SORCS2: variants seen among roughly 807,000 people sequenced by gnomAD.
The protein encoded by SORCS2 is sortilin related VPS10 domain containing receptor 2.
Under a neutral mutation model 141.6 loss-of-function variants are expected in SORCS2, and 100 were observed. The observed-to-expected ratio is 0.71, with a 90% confidence interval of 0.60 to 0.83. The LOEUF is 0.83. Ranked by LOEUF, SORCS2 falls within the 40% of genes least tolerant of loss-of-function variation. SORCS2 has a pLI of 0.00. For synonymous variants in SORCS2, 789 were observed against 676.9 expected (o/e 1.17, Z -2.57); for missense variants, 1,646 against 1,560.2 (o/e 1.05, Z -0.93).
intron 1 of SORCS2, among the ~76,000 whole-genome samples, chr4:7,291,433 G>A (rs576561278): frequency 2.0e-5 from 3 of 152,122 alleles, no homozygotes; most frequent in East Asian, 1.9e-4. Context: ...TGGTGGTGCC[G>A]TGAGCAAGAA....
At chr4:7,240,215 A>G (rs1712596014) in intron 1 of SORCS2, among the ~76,000 whole-genome samples, 1 of 152,198 alleles carries the variant, frequency 6.6e-6, no homozygotes, top group Non-Finnish European at 1.5e-5. Context: ...GGGGCAGAGA[A>G]CAAAACACCA....
intron 1 of SORCS2, among the ~76,000 whole-genome samples, chr4:7,277,809 C>T (rs778355236): frequency 6.6e-6 from 1 of 152,308 alleles, no homozygotes; most frequent in African/African-American, 2.4e-5. Context: ...GACATTCATC[C>T]GCCTGAAGCT....
At chr4:7,367,122 C>A (rs1577453280) in intron 1 of SORCS2, among the ~76,000 whole-genome samples, 1 of 152,278 alleles carries the variant, frequency 6.6e-6, no homozygotes, top group East Asian at 1.9e-4. Context: ...TGATGTGGCC[C>A]CAGCAATGAC....
chr4:7,308,928 A>C (rs1009785188), intron 1 of SORCS2, among the ~76,000 whole-genome samples: 2 of 152,246 alleles, frequency 1.3e-5, no homozygotes, highest in African/African-American at 4.8e-5. Flanking sequence ...CTCCATGCCA[A>C]GACCTCCTGC....
chr4:7,687,917 G>C (rs187759010), intron 10 of SORCS2, among the ~76,000 whole-genome samples: 1 of 152,120 alleles, frequency 6.6e-6, no homozygotes, highest in Non-Finnish European at 1.5e-5. Flanking sequence ...CCAACTGTCC[G>C]TTCCTGGCTC....
chr4:7,514,948 A>T (rs1336638111), intron 2 of SORCS2, among the ~76,000 whole-genome samples: 4 of 152,196 alleles, frequency 2.6e-5, no homozygotes, highest in Non-Finnish European at 5.9e-5. Context: ...CCAAGGGCTC[A>T]GAGGTCACCC....
rs573559127 is a variant in SORCS2, at chr4:7,673,207, C to G, written c.1162-2843C>G. ...ATACATAAAACGAAATACGTGCCCTCTACTACTGCTGGTGGGGGAGATACT... is the reference window on the plus strand; with the variant it reads ...ATACATAAAACGAAATACGTGCCCTGTACTACTGCTGGTGGGGGAGATACT... On this transcript the variant is annotated intron_variant, in intron 8 of 26. Transcript: ENST00000507866. 2.7e-4 allele frequency among the ~76,000 whole-genome samples: 41 copies of G among 152,332 alleles called. 1 individual carries two copies. The highest frequency in any genetic ancestry group is 9.6e-4 in the African/African-American group (40 of 41,584).
intron 1 of SORCS2, among the ~76,000 whole-genome samples, chr4:7,394,300 C>T (rs541974658): frequency 1.9e-4 from 29 of 151,866 alleles, no homozygotes; most frequent in Non-Finnish European, 2.4e-4. Flanking sequence ...TGCTGTGCCC[C>T]GCACTGGGGA....
intron 14 of SORCS2, among the ~76,000 whole-genome samples, chr4:7,706,485 AGATGAGGCTGGGCTCCGCCTGGGCAGG>A (rs1553907258): frequency 1.3e-4 from 4 of 30,588 alleles, no homozygotes; most frequent in East Asian, 1.4e-3. Flanking sequence ...GCCTGGACAG[AGATGAGGCTGGGCTCCGCCTGGGCAGG>A]GATGAGGCTG....
intron 2 of SORCS2, among the ~76,000 whole-genome samples, chr4:7,420,372 A>G (rs1315272226): frequency 1.3e-5 from 2 of 152,306 alleles, no homozygotes; most frequent in East Asian, 3.9e-4. Flanking sequence ...GGAGCCTTGG[A>G]TGAGATCAAG....
intron 1 of SORCS2, among the ~76,000 whole-genome samples, chr4:7,300,448 C>T (rs1268137838): frequency 6.6e-6 from 1 of 152,210 alleles, no homozygotes; most frequent in African/African-American, 2.4e-5. Context: ...ACCACTCTCA[C>T]CAAGCCCTGC....
At chr4:7,670,854 C>G (rs1341228059) in intron 8 of SORCS2, among the ~76,000 whole-genome samples, 1 of 152,158 alleles carries the variant, frequency 6.6e-6, no homozygotes, top group Non-Finnish European at 1.5e-5. Flanking sequence ...CTTCCAAACA[C>G]TGAGGATCTG....
chr4:7,241,876 C>T (rs1010704584), intron 1 of SORCS2, among the ~76,000 whole-genome samples: 2 of 152,186 alleles, frequency 1.3e-5, no homozygotes, highest in Admixed American at 6.5e-5. Context: ...ATGCTTGCTC[C>T]GCAGGCTGTT....
chr4:7,421,022 C>T (rs1726007854), intron 2 of SORCS2, among the ~76,000 whole-genome samples: 1 of 152,228 alleles, frequency 6.6e-6, no homozygotes. Flanking sequence ...GTTCTGCCCT[C>T]CTCCTTGGAG....
intron 2 of SORCS2, among the ~76,000 whole-genome samples, chr4:7,515,831 A>T (rs1732942869): frequency 6.6e-6 from 1 of 152,120 alleles, no homozygotes; most frequent in Non-Finnish European, 1.5e-5. Flanking sequence ...GCAAAGAAAC[A>T]CTGACCTCAG....
chr4:7,475,688 C>T (rs1423148099), intron 2 of SORCS2, among the ~76,000 whole-genome samples: 2 of 152,152 alleles, frequency 1.3e-5, no homozygotes, highest in African/African-American at 4.8e-5. Flanking sequence ...TGCACTCATG[C>T]ATGTTCATGT....
chr4:7,533,383 C>T (rs1163478397), intron 3 of SORCS2, among the ~76,000 whole-genome samples: 4 of 152,154 alleles, frequency 2.6e-5, no homozygotes, highest in Non-Finnish European at 5.9e-5. Context: ...CTGGCGCTGA[C>T]CCAGATGAGG....
At chr4:7,523,707 G>T (rs190621296) in intron 2 of SORCS2, among the ~76,000 whole-genome samples, 1 of 152,130 alleles carries the variant, frequency 6.6e-6, no homozygotes, top group South Asian at 2.1e-4. Context: ...CCCACAGGCC[G>T]CTGTTATGTG....
intron 4 of SORCS2, among the ~76,000 whole-genome samples, chr4:7,651,435 G>A (rs561056271): frequency 6.6e-6 from 1 of 152,310 alleles, no homozygotes; most frequent in African/African-American, 2.4e-5. Flanking sequence ...ACTCTGGAGA[G>A]AGAAGAGGAG....
Sources: gnomAD v4.1 joint callset for allele counts (sites outside exome capture counted in the v4.1 genomes callset) on GRCh38, gnomAD v4.1.1 for gene constraint, MANE v1.5 for transcripts, NCBI Gene and HGNC (gene_info 2026-07-23, HGNC 2026-07-21) for gene names.